GRM1: variants seen among roughly 807,000 people sequenced by gnomAD.
GRM1 encodes metabotropic glutamate receptor 1.
GRM1 carries 33 observed loss-of-function variants against 90.9 expected under a neutral mutation model. The ratio of observed to expected loss-of-function variants is 0.36; its 90% CI spans 0.28 to 0.49. GRM1 has a LOEUF of 0.49. Ranked by LOEUF, GRM1 falls within the 20% of genes least tolerant of loss-of-function variation. GRM1 has a pLI of 0.99. For missense variants in GRM1, 1,190 were observed against 1,534.3 expected, an observed-to-expected ratio of 0.78 and a Z score of 3.75; for synonymous variants, 700 against 613.2, an observed-to-expected ratio of 1.14 and a Z score of -2.09.
At chr6:146,034,133 T>C (rs1054241511) in intron 1 of GRM1, among the ~76,000 whole-genome samples, 6 of 152,010 alleles carry the variant, frequency 3.9e-5, no homozygotes, top group Admixed American at 3.9e-4. Context: ...CTAATTAGAG[T>C]AGGAGTATAT....
At chr6:146,171,265 A>G (rs1229997062) in intron 2 of GRM1, 1 of 152,196 alleles carries the variant, frequency 6.6e-6, no homozygotes, top group Non-Finnish European at 1.5e-5. Flanking sequence ...ACTTAAAAAT[A>G]CAAAATTTTA....
chr6:146,272,947 T>C (rs909425861), intron 2 of GRM1, among the ~76,000 whole-genome samples: 1 of 152,146 alleles, frequency 6.6e-6, no homozygotes, highest in Non-Finnish European at 1.5e-5. Flanking sequence ...ACTATCACAG[T>C]AACCAAATGA....
At chr6:146,398,728 GA>G (rs1777055908) in intron 6 of GRM1, 40 bp from the exon 7 acceptor site, 1 of 1,359,062 alleles carries the variant, frequency 7.4e-7, no homozygotes, top group African/African-American at 1.4e-5. Context: ...ATTCCTAGCA[GA>G]AACCTTGGAT....
intron 2 of GRM1, among the ~76,000 whole-genome samples, chr6:146,246,933 G>A (rs1039239371): frequency 1.3e-5 from 2 of 152,132 alleles, no homozygotes; most frequent in African/African-American, 4.8e-5. Context: ...TTGGATCCAA[G>A]TTATACAAAC....
chr6:146,139,099 G>C (rs956736657), intron 1 of GRM1, among the ~76,000 whole-genome samples: 1 of 151,788 alleles, frequency 6.6e-6, no homozygotes, highest in Admixed American at 6.6e-5. Context: ...TCATTCAGGA[G>C]CATACTGTTT....
chr6:146,319,252 G>A lies in GRM1; in HGVS notation c.1186+14406G>A, dbSNP rs1319682870. 3.3e-5 allele frequency among the ~76,000 whole-genome samples: 5 copies of A among 152,084 alleles called. No individual in the cohort carries two copies. The East Asian group carries it at 9.6e-4, about 29-fold the overall frequency. On this transcript the variant is annotated intron_variant, in intron 3 of 7. Coordinates refer to ENST00000282753, the MANE Select transcript of GRM1 (RefSeq NM_001278064.2). Reference sequence around the variant, plus strand: ...CTTTCCCCATTGCATGTTTTTGTCAGGTTTGTCAAAGATCAGATGGTTGTA... The same window carrying A: ...CTTTCCCCATTGCATGTTTTTGTCAAGTTTGTCAAAGATCAGATGGTTGTA...
Position 146,159,479 on chromosome 6 carries a change from C to A in GRM1, c.832C>A (p.Arg278=), listed in dbSNP as rs1777630918. 1 of 1,614,200 alleles carries A rather than the reference C, an allele frequency of 6.2e-7. No individual in the cohort carries two copies. The highest frequency in any genetic ancestry group is 8.5e-7 in the Non-Finnish European group (1 of 1,180,022). Residue 278 remains arginine, a synonymous_variant, in exon 2 of 8, where the codon CGA becomes AGA. Transcript: ENST00000282753. ...CTTTGACCGACTCTTGCGCAAACTC[C>A]GAGAGAGGCTTCCCAAGGCTAGAGT... ...KSFDRLLRKL[R]ERLPKARVVV... is the part of the protein sequence containing the mutation.
chr6:146,128,784 GAGAATCTTTCGTTTTAAA>G (rs1776287130), intron 1 of GRM1, among the ~76,000 whole-genome samples: 1 of 152,076 alleles, frequency 6.6e-6, no homozygotes, highest in Non-Finnish European at 1.5e-5. Flanking sequence ...GTAAACTTCT[GAGAATCTTTCGTTTTAAA>G]AGAATTGTCT....
At chr6:146,259,700 C>T (rs761431741) in intron 2 of GRM1, among the ~76,000 whole-genome samples, 5 of 151,974 alleles carry the variant, frequency 3.3e-5, no homozygotes, top group African/African-American at 4.8e-5. Flanking sequence ...CTCGTTCATT[C>T]GTTGATGAAC....
chr6:146,330,032 C>A (rs1784534140), intron 3 of GRM1, among the ~76,000 whole-genome samples: 1 of 152,084 alleles, frequency 6.6e-6, no homozygotes, highest in Non-Finnish European at 1.5e-5. Context: ...ATTAAGTAGG[C>A]TTTTTGCTAG....
chr6:146,354,239 C>T (rs979725342), intron 4 of GRM1, among the ~76,000 whole-genome samples: 3 of 152,144 alleles, frequency 2.0e-5, no homozygotes, highest in African/African-American at 4.8e-5. Context: ...TGAAAAGCTT[C>T]GAGGAAATGG....
chr6:146,413,450 G>A (rs1376575326), intron 7 of GRM1, among the ~76,000 whole-genome samples: 2 of 151,992 alleles, frequency 1.3e-5, no homozygotes, highest in Non-Finnish European at 2.9e-5. Flanking sequence ...TTGAATTACA[G>A]TCTTCAGCAT....
chr6:146,350,466 G>A, intron 3 of GRM1, among the ~76,000 whole-genome samples: 1 of 100,058 alleles, frequency 1.0e-5, no homozygotes, highest in South Asian at 4.0e-4. Context: ...CTCAATTTTT[G>A]TGTTTTTTTT....
chr6:146,070,171 A>T (rs941419572), intron 1 of GRM1, among the ~76,000 whole-genome samples: 3 of 150,988 alleles, frequency 2.0e-5, no homozygotes, highest in African/African-American at 7.3e-5. Flanking sequence ...TCTTAAAGTC[A>T]TTTTTTTTTC....
intron 2 of GRM1, among the ~76,000 whole-genome samples, chr6:146,230,723 T>G (rs574980594): frequency 4.3e-4 from 66 of 152,316 alleles, no homozygotes; most frequent in African/African-American, 1.4e-3. Context: ...TGGAAGTTTA[T>G]AGCAGCTTTA....
At chr6:146,267,961 G>A (rs1432654005) in intron 2 of GRM1, among the ~76,000 whole-genome samples, 1 of 152,130 alleles carries the variant, frequency 6.6e-6, no homozygotes, top group African/African-American at 2.4e-5. Flanking sequence ...TCAGTAATTG[G>A]ATTGCTGGGT....
intron 4 of GRM1, among the ~76,000 whole-genome samples, chr6:146,354,065 C>G (rs756580296): frequency 6.6e-6 from 1 of 152,168 alleles, no homozygotes; most frequent in African/African-American, 2.4e-5. Context: ...AGTGGATTCT[C>G]CCTGTTAAAA....
Position 146,183,370 on chromosome 6 carries a change from A to G in GRM1, c.950+23773A>G, listed in dbSNP as rs116985985. On this transcript the variant is annotated intron_variant, in intron 2 of 7. Transcript: ENST00000282753. ...AACTAGGAACTCTTATATGTTAAAT[A>G]ATTCTCCTATTATTTAACAATAGGA... 9.9e-3 allele frequency among the ~76,000 whole-genome samples: 1,503 copies of G among 152,270 alleles called. 18 individuals carry two copies. Among genetic ancestry groups the G allele is most frequent in the Non-Finnish European group, 0.013 (860 of 68,004 alleles).
intron 2 of GRM1, among the ~76,000 whole-genome samples, chr6:146,273,298 G>T (rs1353062635): frequency 1.3e-5 from 2 of 152,078 alleles, no homozygotes; most frequent in African/African-American, 4.8e-5. Flanking sequence ...TTCAGCTGAT[G>T]GTTTGAAGGA....
Sources: gnomAD v4.1 joint callset for allele counts (sites outside exome capture counted in the v4.1 genomes callset) on GRCh38, gnomAD v4.1.1 for gene constraint, MANE v1.5 for transcripts, NCBI Gene and HGNC (gene_info 2026-07-23, HGNC 2026-07-21) for gene names.